Variants in KMT2C observed in about 807,000 individuals in gnomAD.
KMT2C encodes histone-lysine N-methyltransferase 2C.
A neutral mutation model predicts 507.9 loss-of-function variants in KMT2C; 88 were observed. The ratio of observed to expected loss-of-function variants is 0.17; its 90% CI spans 0.15 to 0.21. The LOEUF (loss-of-function observed/expected upper bound fraction) is 0.21. KMT2C is among the 10% of genes least tolerant of loss of function. KMT2C has a pLI of 1.00. For missense variants in KMT2C, 4,954 were observed against 5,957.8 expected, an observed-to-expected ratio of 0.83 and a Z score of 5.55; for synonymous variants, 2,049 against 2,080.8, an observed-to-expected ratio of 0.98 and a Z score of 0.42.
chr7:152,188,285 G>A (rs987005573), intron 31 of KMT2C, among the ~76,000 whole-genome samples: 1 of 152,112 alleles, frequency 6.6e-6, no homozygotes, highest in Non-Finnish European at 1.5e-5. Flanking sequence ...AATAGCAAGT[G>A]TTCTGGAGTC....
intron 1 of KMT2C, among the ~76,000 whole-genome samples, chr7:152,400,789 G>A (rs1042317369): frequency 3.3e-5 from 5 of 150,832 alleles, no homozygotes; most frequent in Non-Finnish European, 5.9e-5. Context: ...TAGTAGCACT[G>A]TGCAAAAAGA....
At chr7:152,369,570 G>C (rs2129240123) in intron 1 of KMT2C, among the ~76,000 whole-genome samples, 1 of 152,308 alleles carries the variant, frequency 6.6e-6, no homozygotes, top group Middle Eastern at 3.4e-3. Flanking sequence ...GTACCTTTAA[G>C]AGGTGATTAG....
chr7:152,320,398 G>A (rs1589164915), intron 3 of KMT2C, among the ~76,000 whole-genome samples: 1 of 152,172 alleles, frequency 6.6e-6, no homozygotes. Context: ...ACAGGCACAC[G>A]CCACAACATC....
In KMT2C at chr7:152,153,009, T is replaced by C. The variant is rs2091761253; in HGVS notation, c.12277-55A>G. 3.8e-6 allele frequency: 6 copies of C among 1,588,988 alleles called. No homozygotes were observed. The African/African-American group carries it at 4.0e-5, about 11-fold the overall frequency. On this transcript the variant is annotated intron_variant, in intron 48 of 58. Coordinates refer to ENST00000262189, the MANE Select transcript of KMT2C (RefSeq NM_170606.3). ...CACCCAGAAGGCAACAGTGAACCACTGAAGAAAAATACACACTTAGGATAA... is the reference window on the plus strand; with the variant it reads ...CACCCAGAAGGCAACAGTGAACCACCGAAGAAAAATACACACTTAGGATAA...
At chr7:152,308,502 C>G (rs1003051942) in intron 6 of KMT2C, among the ~76,000 whole-genome samples, 7 of 151,266 alleles carry the variant, frequency 4.6e-5, no homozygotes, top group Non-Finnish European at 1.0e-4. Flanking sequence ...GTAGTGAAAC[C>G]ACATCTCTAC....
At chr7:152,180,164 T>C (rs2129118493) in intron 36 of KMT2C, 38 bp from the exon 37 acceptor site, 1 of 1,604,734 alleles carries the variant, frequency 6.2e-7, no homozygotes, top group Non-Finnish European at 8.5e-7. Flanking sequence ...GGATTTGTGG[T>C]AATTAATGGC....
chr7:152,352,094 G>C (rs193025098), intron 2 of KMT2C, among the ~76,000 whole-genome samples: 5 of 152,262 alleles, frequency 3.3e-5, no homozygotes, highest in Admixed American at 1.3e-4. Context: ...TCTCAGCAAG[G>C]AACATCCCTA....
Position 152,182,297 on chromosome 7 carries a change from G to A in KMT2C, c.5563C>T (p.Pro1855Ser). The A allele has an allele frequency of 6.2e-7, 1 of 1,614,200 alleles. No individual in the cohort carries two copies. The highest frequency in any genetic ancestry group is 2.2e-5 in the East Asian group (1 of 44,876). ...GGAATCCGGGATGGGGCTGGAGGAG[G>A]AGGTGGAGCTTGTGGCTTTACAAAC... Reference protein sequence around the residue: ...DVFVKPQAPPPPPAPSRIPIQ... With the variant: ...DVFVKPQAPPSPPAPSRIPIQ... Residue 1855 changes from proline (P) to serine (S), a missense_variant, in exon 36 of 59, where the codon CCT (proline) becomes TCT (serine). Transcript: ENST00000262189.
chr7:152,237,534 T>C (rs1311281764), intron 15 of KMT2C, among the ~76,000 whole-genome samples: 3 of 152,154 alleles, frequency 2.0e-5, no homozygotes, highest in African/African-American at 2.4e-5. Context: ...GTCTCGCTTC[T>C]TTGCCCAGGC....
At chr7:152,239,878 C>G (rs1384943992) in intron 14 of KMT2C, among the ~76,000 whole-genome samples, 2 of 152,082 alleles carry the variant, frequency 1.3e-5, no homozygotes, top group Non-Finnish European at 1.5e-5. Flanking sequence ...AGTACTATCT[C>G]ATTAATCACA....
intron 2 of KMT2C, among the ~76,000 whole-genome samples, chr7:152,340,762 C>T (rs1282857098): frequency 6.6e-6 from 1 of 152,094 alleles, no homozygotes; most frequent in Non-Finnish European, 1.5e-5. Context: ...TACAAATATA[C>T]ATTACTGTTA....
chr7:152,180,592 A>G (rs978172101), intron 36 of KMT2C, 119 bp downstream of exon 36: 46 of 767,142 alleles, frequency 6.0e-5, no homozygotes, highest in South Asian at 1.9e-4. Context: ...GCAGTATGAC[A>G]AACTCTACAG....
chr7:152,204,632 T>G (rs2360941), intron 25 of KMT2C, among the ~76,000 whole-genome samples: 5 of 136,170 alleles, frequency 3.7e-5, no homozygotes, highest in Admixed American at 1.5e-4. Context: ...GATAGATAGA[T>G]AGATAGACAG....
rs2092265972 is a variant in KMT2C, at chr7:152,158,785, G to GA, written c.11670+77dup. ...CTGCCTCAGCCTCCCAAAGTGCTGG[G>GA]ATTACAGGCATGAGCCACTGCCCCC... On this transcript the variant is annotated intron_variant, in intron 44 of 58. Coordinates refer to ENST00000262189, the MANE Select transcript of KMT2C (RefSeq NM_170606.3). 7.5e-6 allele frequency: 10 copies of GA among 1,339,012 alleles called. No individual in the cohort carries two copies. The South Asian group carries it at 1.2e-4, about 16-fold the overall frequency. The allele number at this position is 1,339,012 out of a possible 1,614,324, so 82.9% of individuals were successfully genotyped here.
chr7:152,138,751 C>T lies in KMT2C; in HGVS notation c.14643+45G>A, dbSNP rs767021461. 1 of 1,197,510 alleles carries T rather than the reference C, an allele frequency of 8.4e-7. No homozygotes were observed. The highest frequency in any genetic ancestry group is 2.3e-5 in the East Asian group (1 of 42,594). 74.2% of individuals were successfully genotyped at this position (1,197,510 alleles called of 1,614,324 possible). ...CCTGTGTGAGGAGGGAACTATTCGC[C>T]CAGGATCTGAACAACATGGCAGATG... On this transcript the variant is annotated intron_variant, in intron 58 of 58. Transcript: ENST00000262189. The surrounding 1 kb of genome is among the most constrained non-coding windows in gnomAD (Gnocchi z 4.2).
intron 6 of KMT2C, among the ~76,000 whole-genome samples, chr7:152,296,319 A>C (rs1017624167): frequency 6.6e-6 from 1 of 151,552 alleles, no homozygotes. Context: ...CTATAATCCC[A>C]GCTACTCCAG....
At chr7:152,183,474 G>A (rs1230206282) in intron 34 of KMT2C, among the ~76,000 whole-genome samples, 7 of 152,058 alleles carry the variant, frequency 4.6e-5, no homozygotes, top group Non-Finnish European at 8.8e-5. Context: ...AGAAAGAAGG[G>A]GCTGGGGCCA....
intron 8 of KMT2C, 151 bp from the exon 9 acceptor site, chr7:152,263,281 C>G (rs1326211048): frequency 3.3e-6 from 2 of 612,974 alleles, no homozygotes; most frequent in African/African-American, 1.9e-5. Context: ...AGAGGTAACC[C>G]TGCCATAAGG....
chr7:152,421,057 A>T (rs1319039888), intron 1 of KMT2C, among the ~76,000 whole-genome samples: 1 of 152,054 alleles, frequency 6.6e-6, no homozygotes, highest in Non-Finnish European at 1.5e-5. Context: ...ACAAGCAAAA[A>T]ACAACCCCAT....
Sources: allele counts gnomAD v4.1 joint callset (sites outside exome capture counted in the v4.1 genomes callset), GRCh38; gene constraint gnomAD v4.1.1; non-coding constraint Gnocchi (gnomAD v3.1); transcripts MANE v1.5; gene names NCBI Gene and HGNC (gene_info 2026-07-23, HGNC 2026-07-21).